Variants in MSN observed in about 807,000 individuals in gnomAD.
MSN encodes moesin.
MSN carries 2 observed loss-of-function variants against 48.0 expected under a neutral mutation model. The ratio of observed to expected loss-of-function variants is 0.04; its 90% CI spans 0.02 to 0.13. The LOEUF is 0.13. Among genes scored for constraint, MSN ranks in the 10% least tolerant of loss-of-function variants. The pLI, the probability that MSN is intolerant of heterozygous loss-of-function variation, is 1.00. For synonymous variants in MSN, 146 were observed against 166.9 expected, an observed-to-expected ratio of 0.87 and a Z score of 0.97; for missense variants, 267 against 470.1, an observed-to-expected ratio of 0.57 and a Z score of 3.99.
intron 1 of MSN, among the ~76,000 whole-genome samples, chrX:65,657,444 G>A (rs2070789980): frequency 9.1e-6 from 1 of 110,195 alleles, no homozygotes; most frequent in South Asian, 3.9e-4. Context: ...TGACTGGTCA[G>A]TGGGGGCAGG....
intron 1 of MSN, among the ~76,000 whole-genome samples, chrX:65,590,802 G>C (rs1024352092): frequency 9.0e-6 from 1 of 110,941 alleles, no homozygotes; most frequent in African/African-American, 3.3e-5. Context: ...CATGGGATGG[G>C]GGGTGGGGGA....
At chrX:65,684,380 G>A (rs1181336203) in intron 1 of MSN, among the ~76,000 whole-genome samples, 3 of 111,468 alleles carry the variant, frequency 2.7e-5, no homozygotes, top group African/African-American at 9.8e-5. Context: ...GTCTACAGGG[G>A]CTCATTAATA....
rs186603666 is a variant in MSN, at chrX:65,638,383, G to A, written c.-22+49771G>A. ...CATAGCATTTCTGCTTTCTGCCATT[G>A]TATTTATCACTCTGGGCCTTGATAG... On this transcript the variant is annotated intron_variant, in intron 1 of 3. Transcript: ENST00000609672. Among the ~76,000 whole-genome samples, 235 of 111,584 alleles carry A rather than the reference G, an allele frequency of 2.1e-3. 3 individuals carry two copies. Among genetic ancestry groups the A allele is most frequent in the African/African-American group, 7.5e-3 (231 of 30,792 alleles).
chrX:65,695,008 C>T (rs2071217225), intron 1 of MSN, among the ~76,000 whole-genome samples: 1 of 111,969 alleles, frequency 8.9e-6, no homozygotes, highest in African/African-American at 3.3e-5. Flanking sequence ...GCCAGGCAGC[C>T]TTGGCTGGGG....
chrX:65,621,217 G>A (rs5964991), intron 1 of MSN, among the ~76,000 whole-genome samples: 1 of 111,366 alleles, frequency 9.0e-6, no homozygotes, highest in Non-Finnish European at 1.9e-5. Context: ...GCCCTGCCCA[G>A]ATTGATACTT....
rs191385349 is a variant in MSN, at chrX:65,637,542, C to T, written c.-22+48930C>T. 4.4e-3 allele frequency among the ~76,000 whole-genome samples: 496 copies of T among 111,607 alleles called. 2 individuals are homozygous for T. The highest frequency in any genetic ancestry group is 0.014 in the African/African-American group (431 of 30,750). On this transcript the variant is annotated intron_variant, in intron 1 of 3. Coordinates refer to the MSN transcript ENST00000609672. The stretch of plus-strand genomic sequence containing the variant: ...TATTCTCTGTCCCCAACCCCCACCC[C>T]ACAGTGATCCAGTCATAAAGAGCCT...
At chrX:65,694,422 C>T (rs181588941) in intron 1 of MSN, among the ~76,000 whole-genome samples, 179 of 109,967 alleles carry the variant, frequency 1.6e-3, no homozygotes, top group Middle Eastern at 0.014. Context: ...CTTTGCCTCC[C>T]AGGTTCCAGC....
rs2071725835 is a variant in MSN, at chrX:65,740,521, G to C, written c.*628G>C. On this transcript the variant is annotated 3_prime_UTR_variant, in exon 13 of 13. Coordinates refer to ENST00000360270, the MANE Select transcript of MSN (RefSeq NM_002444.3). ...CAATAAGCCTTGTCGTTGACTTTAGGGACTCAATTTCTCCCCAGGGTGGAT... is the reference window on the plus strand; with the variant it reads ...CAATAAGCCTTGTCGTTGACTTTAGCGACTCAATTTCTCCCCAGGGTGGAT... The C allele has an allele frequency of 5.8e-6, 1 of 172,592 alleles. No homozygotes were observed. The highest frequency in any genetic ancestry group is 7.9e-5 in the Admixed American group (1 of 12,612). The allele number at this position is 172,592 out of a possible 1,213,427, so 14.2% of individuals were successfully genotyped here.
At chrX:65,715,435 A>G (rs2071454128) in intron 1 of MSN, among the ~76,000 whole-genome samples, 1 of 111,962 alleles carries the variant, frequency 8.9e-6, no homozygotes, top group Non-Finnish European at 1.9e-5. Context: ...CATTTTAACA[A>G]TATTGATTCT....
At chrX:65,640,020 A>C (rs2070636815) in intron 1 of MSN, among the ~76,000 whole-genome samples, 1 of 111,508 alleles carries the variant, frequency 9.0e-6, no homozygotes, top group South Asian at 3.7e-4. Flanking sequence ...CACACATGGC[A>C]AACAGGTGAC....
At chrX:65,624,355 G>T (rs144012926) in intron 1 of MSN, among the ~76,000 whole-genome samples, 14,790 of 110,356 alleles carry the variant, frequency 0.13, 2,688 homozygotes, top group African/African-American at 0.47. Flanking sequence ...TGGGATTACA[G>T]ACATGAGCCA....
chrX:65,731,366 T>G (rs1220839516), intron 5 of MSN, among the ~76,000 whole-genome samples, 176 bp downstream of exon 5: 1 of 112,305 alleles, frequency 8.9e-6, no homozygotes, highest in Non-Finnish European at 1.9e-5. Context: ...TGCTTGTTTG[T>G]TTGTTTTGCT....
At chrX:65,660,894 G>T (rs2070817882) in intron 1 of MSN, among the ~76,000 whole-genome samples, 1 of 111,940 alleles carries the variant, frequency 8.9e-6, no homozygotes, top group African/African-American at 3.2e-5. Flanking sequence ...TAGGGGAAAG[G>T]CTTTCAGCTT....
chrX:65,675,826 T>G (rs949666796), intron 1 of MSN, among the ~76,000 whole-genome samples: 4 of 110,743 alleles, frequency 3.6e-5, no homozygotes, highest in African/African-American at 9.9e-5. Flanking sequence ...TTAGTAGAGA[T>G]GGGGTTTCAC....
intron 11 of MSN, 89 bp downstream of exon 11, chrX:65,738,706 C>T (rs1158808964): frequency 1.7e-5 from 15 of 906,930 alleles, no homozygotes; most frequent in Non-Finnish European, 2.2e-5. Flanking sequence ...GTTTTGGCTC[C>T]CTCCCTCTTT....
chrX:65,592,031 C>T (rs758023103), intron 1 of MSN, among the ~76,000 whole-genome samples: 5 of 109,141 alleles, frequency 4.6e-5, no homozygotes, highest in Admixed American at 9.9e-5. Context: ...CTTCAGTGCC[C>T]AAGCATAGCC....
intron 1 of MSN, among the ~76,000 whole-genome samples, chrX:65,614,529 G>C (rs907088741): frequency 2.8e-5 from 3 of 107,902 alleles, no homozygotes; most frequent in African/African-American, 1.0e-4. Context: ...TCCCTTTGTT[G>C]TGTCCTCTTA....
chrX:65,738,895 G>A (rs184052969), intron 11 of MSN, 75 bp from the exon 12 acceptor site: 44 of 1,068,243 alleles, frequency 4.1e-5, no homozygotes, highest in East Asian at 3.7e-4. Flanking sequence ...TTGCCAGACC[G>A]TTCTAGGCAT....
rs12010577 is a variant in MSN, at chrX:65,707,545, G to C, written c.13-9273G>C. 2.3e-3 allele frequency among the ~76,000 whole-genome samples: 254 copies of C among 112,124 alleles called. 1 individual carries two copies. Among genetic ancestry groups the C allele is most frequent in the African/African-American group, 7.6e-3 (236 of 30,914 alleles). On this transcript the variant is annotated intron_variant, in intron 1 of 12. Coordinates refer to ENST00000360270, the MANE Select transcript of MSN (RefSeq NM_002444.3). The stretch of plus-strand genomic sequence containing the variant: ...AGGCATATAAACAGTTCTCTTCTGG[G>C]GACTACATCTTGAAATGCTACCCCA...
Sources: allele counts gnomAD v4.1 joint callset (sites outside exome capture counted in the v4.1 genomes callset), GRCh38; gene constraint gnomAD v4.1.1; transcripts MANE v1.5; gene names NCBI Gene and HGNC (gene_info 2026-07-23, HGNC 2026-07-21).